Variants in LEKR1 observed in about 807,000 individuals in gnomAD.
LEKR1 encodes the protein leucine, glutamate and lysine rich 1.
In LEKR1, 59 loss-of-function variants were observed where a neutral mutation model predicts 72.4. The observed-to-expected ratio is 0.82, with a 90% CI of 0.66 to 1.01. The LOEUF is 1.01. Among genes scored for constraint, LEKR1 ranks in the 50% least tolerant of loss-of-function variants. LEKR1 has a pLI of 0.00. For missense variants in LEKR1, 728 were observed against 759.2 expected (o/e 0.96, Z 0.48); for synonymous variants, 257 against 263.2 (o/e 0.98, Z 0.23).
chr3:156,971,656 C>G (rs905580859), intron 6 of LEKR1, among the ~76,000 whole-genome samples: 3 of 152,020 alleles, frequency 2.0e-5, no homozygotes, highest in Non-Finnish European at 4.4e-5. Context: ...AAAAAACAAA[C>G]AACCCCATCA....
chr3:157,024,612 C>G, intron 10 of LEKR1, 148 bp from the exon 11 acceptor site: 1 of 665,800 alleles, frequency 1.5e-6, no homozygotes, highest in Admixed American at 3.5e-5. Context: ...TTCTAAGTCA[C>G]ACTTTTTTTT....
chr3:156,886,586 C>A (rs916054602), intron 3 of LEKR1, among the ~76,000 whole-genome samples: 4 of 152,156 alleles, frequency 2.6e-5, no homozygotes, highest in Non-Finnish European at 5.9e-5. Flanking sequence ...GATGGCTTCA[C>A]TGGGCTCAAG....
At chr3:156,925,220 T>C (rs1335674662) in intron 4 of LEKR1, 2 of 152,130 alleles carry the variant, frequency 1.3e-5, no homozygotes, top group East Asian at 3.8e-4. Flanking sequence ...TTGGTCATTG[T>C]TAATATACAG....
At chr3:157,029,500 A>C (rs1734449840) in intron 12 of LEKR1, among the ~76,000 whole-genome samples, 1 of 152,002 alleles carries the variant, frequency 6.6e-6, no homozygotes, top group African/African-American at 2.4e-5. Context: ...CTTTTGGGAA[A>C]CCCAGTTCTT....
chr3:157,013,910 AT>A (rs767549346), intron 10 of LEKR1, among the ~76,000 whole-genome samples: 2 of 152,128 alleles, frequency 1.3e-5, no homozygotes, highest in Non-Finnish European at 2.9e-5. Flanking sequence ...GTAGATAGCA[AT>A]TTGTGTCTGT....
At chr3:156,907,447 A>G (rs563879550) in intron 3 of LEKR1, among the ~76,000 whole-genome samples, 1 of 152,138 alleles carries the variant, frequency 6.6e-6, no homozygotes, top group South Asian at 2.1e-4. Context: ...CCATAGGACC[A>G]TAGGTTATTT....
chr3:157,019,201 G>T (rs1167380161), intron 10 of LEKR1, among the ~76,000 whole-genome samples: 2 of 151,948 alleles, frequency 1.3e-5, no homozygotes, highest in Non-Finnish European at 1.5e-5. Flanking sequence ...GGTTTTAAAG[G>T]TATCATTGAG....
In LEKR1 at chr3:157,024,868, A is replaced by G. The variant is rs779949571; in HGVS notation, c.1312A>G (p.Lys438Glu). Residue 438 changes from lysine to glutamate, a missense_variant, in exon 11 of 13, where the codon AAA becomes GAA. Transcript: ENST00000356539. ...TKLQLDIEKE[K>E]HQDVIQKYKK... ...ATTGCAACTTGATATTGAAAAAGAA[A>G]AACACCAAGATGTAATCCAAAAGTA... 1 of 1,609,256 alleles carries G rather than the reference A, an allele frequency of 6.2e-7. No individual in the cohort carries two copies. Among genetic ancestry groups the G allele is most frequent in the Non-Finnish European group, 8.5e-7 (1 of 1,176,374 alleles).
chr3:156,921,372 T>C (rs939115307), intron 4 of LEKR1, among the ~76,000 whole-genome samples: 7 of 148,426 alleles, frequency 4.7e-5, no homozygotes, highest in Non-Finnish European at 8.9e-5. Flanking sequence ...TTTGAATAAG[T>C]TTTTGCTTTT....
chr3:156,885,456 C>G (rs970335273), intron 3 of LEKR1, among the ~76,000 whole-genome samples: 9 of 152,194 alleles, frequency 5.9e-5, no homozygotes, highest in African/African-American at 2.2e-4. Context: ...CTGTTCAGAT[C>G]CTCCTGTCCC....
At chr3:157,006,329 T>TA (rs1732437282) in intron 9 of LEKR1, among the ~76,000 whole-genome samples, 1 of 152,222 alleles carries the variant, frequency 6.6e-6, no homozygotes, top group Non-Finnish European at 1.5e-5. Flanking sequence ...TTAGAACATG[T>TA]AAAAACTTAA....
intron 5 of LEKR1, among the ~76,000 whole-genome samples, chr3:156,942,251 A>T (rs572554224): frequency 4.8e-4 from 73 of 152,160 alleles, no homozygotes; most frequent in Non-Finnish European, 8.7e-4. Flanking sequence ...TTATGTAAGT[A>T]TTTAAAAAGC....
chr3:157,042,855 AT>A (rs1735454951), intron 12 of LEKR1, among the ~76,000 whole-genome samples: 1 of 152,092 alleles, frequency 6.6e-6, no homozygotes, highest in South Asian at 2.1e-4. Flanking sequence ...AATTAGTGAT[AT>A]TTTTATACTA....
chr3:157,032,435 A>C (rs1340851930), intron 12 of LEKR1, among the ~76,000 whole-genome samples: 2 of 152,224 alleles, frequency 1.3e-5, no homozygotes, highest in African/African-American at 4.8e-5. Context: ...ATAGAAAATA[A>C]TGCTCTTGGT....
intron 3 of LEKR1, among the ~76,000 whole-genome samples, chr3:156,865,144 G>GCTA (rs1560035171): frequency 6.6e-6 from 1 of 151,916 alleles, no homozygotes; most frequent in East Asian, 1.9e-4. Context: ...TGTTCTACCT[G>GCTA]CTACTCTTGT....
chr3:156,999,086 G>C (rs568394132), intron 9 of LEKR1, among the ~76,000 whole-genome samples: 4 of 151,998 alleles, frequency 2.6e-5, no homozygotes, highest in African/African-American at 9.7e-5. Context: ...CCATCCTGCC[G>C]CCCTGTGAAG....
intron 12 of LEKR1, 62 bp from the exon 13 acceptor site, chr3:157,045,278 C>A: frequency 7.3e-7 from 1 of 1,365,690 alleles, no homozygotes; most frequent in Admixed American, 2.0e-5. Flanking sequence ...TTGTCCGTAA[C>A]TATCTACTTA....
At chr3:156,831,182 T>G (rs1396543287) in intron 2 of LEKR1, among the ~76,000 whole-genome samples, 1 of 151,980 alleles carries the variant, frequency 6.6e-6, no homozygotes, top group Non-Finnish European at 1.5e-5. Flanking sequence ...GGTCCATGTG[T>G]GAAGACGGAG....
In LEKR1 at chr3:156,884,174, T is replaced by A. The variant is rs9877205; in HGVS notation, c.263+31192T>A. ...AATTTATGTCAGTGCTCATGTTTTATGTGAGTCTCTTGAAGACAGCAGATA... is the reference window on the plus strand; with the variant it reads ...AATTTATGTCAGTGCTCATGTTTTAAGTGAGTCTCTTGAAGACAGCAGATA... On this transcript the variant is annotated intron_variant, in intron 3 of 12. Transcript: ENST00000356539. Among the ~76,000 whole-genome samples, 345 of 152,326 alleles carry A rather than the reference T, an allele frequency of 2.3e-3. 4 individuals carry two copies. The highest frequency in any genetic ancestry group is 8.0e-3 in the African/African-American group (334 of 41,576).
Sources: allele counts gnomAD v4.1 joint callset (sites outside exome capture counted in the v4.1 genomes callset), GRCh38; gene constraint gnomAD v4.1.1; transcripts MANE v1.5; gene names NCBI Gene and HGNC (gene_info 2026-07-23, HGNC 2026-07-21).